The following MYO10 variants were observed in gnomAD, a reference collection of about 807,000 sequenced individuals.
MYO10 encodes unconventional myosin-X.
Under a neutral mutation model 257.3 loss-of-function variants are expected in MYO10, and 133 were observed. The ratio of observed to expected loss-of-function variants is 0.52; its 90% CI spans 0.45 to 0.60. MYO10 has a LOEUF of 0.60. MYO10 is among the 20% of genes least tolerant of loss of function. The probability of loss-of-function intolerance (pLI) is 0.00; values close to 1 mark genes in which losing one functional copy is unlikely to be tolerated. For missense variants in MYO10, 2,399 were observed against 2,635.7 expected (o/e 0.91, Z 1.97); for synonymous variants, 1,104 against 1,028.6 (o/e 1.07, Z -1.40).
At chr5:16,880,220 C>T (rs533345718) in intron 1 of MYO10, among the ~76,000 whole-genome samples, 39 of 148,610 alleles carry the variant, frequency 2.6e-4, no homozygotes, top group South Asian at 6.5e-4. Flanking sequence ...CAAGCCAGGA[C>T]CTCAAATGTT....
chr5:16,764,104 G>A (rs1294516817), intron 12 of MYO10, 146 bp downstream of exon 12: 7 of 890,284 alleles, frequency 7.9e-6, no homozygotes, highest in East Asian at 2.4e-5. Flanking sequence ...CTGTGATCAC[G>A]CCACTGCACT....
At chr5:16,930,769 G>C (rs1379093222) in intron 1 of MYO10, among the ~76,000 whole-genome samples, 1 of 152,206 alleles carries the variant, frequency 6.6e-6, no homozygotes, top group Non-Finnish European at 1.5e-5. Flanking sequence ...TCAGGATTTA[G>C]AGCATCTGGC....
chr5:16,668,416 G>A lies in MYO10; in HGVS notation c.5936C>T (p.Ala1979Val). The change falls in exon 40 of 41, where the codon GCC becomes GTC. Residue 1979 changes from alanine to valine, a missense_variant. Around this residue, in one of 3 missense-constraint regions of MYO10, gnomAD observed 1,820 missense variants for 1,939.4 expected, o/e 0.94. Coordinates refer to ENST00000513610, the MANE Select transcript of MYO10 (RefSeq NM_012334.3). ...CTCTCCACGCTTGTAGACGGAGACGGCGTCCGCGCTGACACCCAACCAGAG... is the reference window on the plus strand; with the variant it reads ...CTCTCCACGCTTGTAGACGGAGACGACGTCCGCGCTGACACCCAACCAGAG... ...QELWLGVSAD[A>V]VSVYKRGEGR... 6.2e-7 allele frequency: 1 copy of A among 1,613,686 alleles called. No homozygotes were observed. The highest frequency in any genetic ancestry group is 1.3e-5 in the African/African-American group (1 of 75,012).
intron 9 of MYO10, among the ~76,000 whole-genome samples, chr5:16,776,984 C>T (rs1319749324): frequency 6.6e-6 from 1 of 151,868 alleles, no homozygotes; most frequent in African/African-American, 2.4e-5. Context: ...AAGCCAGAGA[C>T]AAGTCTTTTT....
intron 2 of MYO10, 95 bp downstream of exon 2, chr5:16,877,514 G>A (rs1744635461): frequency 1.0e-5 from 9 of 863,884 alleles, no homozygotes; most frequent in Non-Finnish European, 1.7e-5. Flanking sequence ...TGTAAAGCGT[G>A]TGTATGTGTA....
At chr5:16,884,837 T>G (rs916368202) in intron 1 of MYO10, among the ~76,000 whole-genome samples, 11 of 152,186 alleles carry the variant, frequency 7.2e-5, no homozygotes, top group African/African-American at 2.7e-4. Flanking sequence ...GATGATTCTT[T>G]GTTGGGGACT....
At chr5:16,781,943 AG>A in intron 5 of MYO10, 114 bp from the exon 6 acceptor site, 1 of 1,285,646 alleles carries the variant, frequency 7.8e-7, no homozygotes, top group Non-Finnish European at 1.1e-6. Context: ...TGAAACCAAA[AG>A]GACTGAGGGT....
Position 16,674,844 on chromosome 5 carries a change from A to T in MYO10, c.4964+9T>A. Reference sequence around the variant, plus strand: ...TGCCCAGCTCATCTCCCGTGCCCCCATGCTTTACCTTTTCAGATGGAACTT... The same window carrying T: ...TGCCCAGCTCATCTCCCGTGCCCCCTTGCTTTACCTTTTCAGATGGAACTT... On this transcript the variant is annotated intron_variant, in intron 35 of 40. Transcript: ENST00000513610. 6.2e-7 allele frequency: 1 copy of T among 1,613,594 alleles called. No homozygotes were observed. The highest frequency in any genetic ancestry group is 2.2e-5 in the East Asian group (1 of 44,866).
chr5:16,672,717 C>T lies in MYO10; in HGVS notation c.5281G>A (p.Val1761Ile), dbSNP rs555976965. The part of the protein sequence containing the change: ...VDKAIESRTV[V>I]ADVLAKFEKL... ...TCAAACTTGGCTAAGACATCAGCTA[C>T]GACGGTTCGACTTTCAATGGCTTTG... The change falls in exon 37 of 41, where the codon GTA becomes ATA. Residue 1761 changes from valine (V) to isoleucine (I), a missense_variant. Physicochemically the swap from Val to Ile is conservative, Grantham distance 29. Coordinates refer to ENST00000513610, the MANE Select transcript of MYO10 (RefSeq NM_012334.3). 3.5e-5 allele frequency: 56 copies of T among 1,614,034 alleles called. No homozygotes were observed. Among genetic ancestry groups the T allele is most frequent in the Middle Eastern group, 3.3e-4 (2 of 6,062 alleles).
chr5:16,767,676 GA>G (rs1379504383), intron 10 of MYO10, among the ~76,000 whole-genome samples: 1 of 151,476 alleles, frequency 6.6e-6, no homozygotes, highest in African/African-American at 2.4e-5. Context: ...CTTTTGATTA[GA>G]AGTTTTCACT....
chr5:16,694,108 T>C (rs25909), intron 27 of MYO10, among the ~76,000 whole-genome samples: 27,212 of 152,282 alleles, frequency 0.18, 2,763 homozygotes, highest in East Asian at 0.3. Context: ...TTCAATTCCG[T>C]TTCCACCAGG....
At chr5:16,707,714 G>A (rs1016227269) in intron 21 of MYO10, among the ~76,000 whole-genome samples, 17 of 152,154 alleles carry the variant, frequency 1.1e-4, no homozygotes, top group Admixed American at 3.9e-4. Context: ...CTCAGTCACC[G>A]TAAACGCAGC....
At chr5:16,857,610 G>A (rs946038469) in intron 2 of MYO10, among the ~76,000 whole-genome samples, 2 of 152,184 alleles carry the variant, frequency 1.3e-5, no homozygotes, top group African/African-American at 2.4e-5. Context: ...AGAATTCAGT[G>A]GTTTCACAGG....
At chr5:16,729,512 C>T (rs1304718432) in intron 19 of MYO10, among the ~76,000 whole-genome samples, 9 of 148,894 alleles carry the variant, frequency 6.0e-5, no homozygotes, top group South Asian at 2.1e-4. Context: ...AGTGCAGTGG[C>T]GCGATCTTGG....
chr5:16,814,527 TTCAAG>T (rs1742544922), intron 3 of MYO10: 1 of 152,030 alleles, frequency 6.6e-6, no homozygotes, highest in African/African-American at 2.4e-5. Context: ...TCTGGAACAA[TTCAAG>T]TCATTTTATT....
chr5:16,928,961 G>GT (rs1400397279), intron 1 of MYO10, among the ~76,000 whole-genome samples: 41 of 148,398 alleles, frequency 2.8e-4, no homozygotes, highest in South Asian at 4.3e-4. Context: ...TTTTTTTTTG[G>GT]TTTTTTTTTG....
intron 19 of MYO10, among the ~76,000 whole-genome samples, chr5:16,718,234 AC>A (rs1738976416): frequency 6.6e-6 from 1 of 152,118 alleles, no homozygotes; most frequent in Non-Finnish European, 1.5e-5. Flanking sequence ...TGAGCCTCCC[AC>A]CCACTCCATG....
intron 19 of MYO10, among the ~76,000 whole-genome samples, chr5:16,743,570 G>C (rs1740086485): frequency 6.6e-6 from 1 of 151,964 alleles, no homozygotes; most frequent in Admixed American, 6.6e-5. Flanking sequence ...TTGAACTCGG[G>C]AGGCAGTGGT....
chr5:16,855,103 G>A (rs924061683), intron 2 of MYO10, among the ~76,000 whole-genome samples: 1 of 151,916 alleles, frequency 6.6e-6, no homozygotes, highest in Non-Finnish European at 1.5e-5. Flanking sequence ...AGTTGTTAAC[G>A]AATCAAATCC....
Sources: allele counts gnomAD v4.1 joint callset (sites outside exome capture counted in the v4.1 genomes callset), GRCh38; gene constraint gnomAD v4.1.1; regional missense constraint gnomAD v4.1.1; transcripts MANE v1.5; gene names NCBI Gene and HGNC (gene_info 2026-07-23, HGNC 2026-07-21).